The following COG1 variants were observed in gnomAD, a reference collection of about 807,000 sequenced individuals.
COG1 encodes the protein conserved oligomeric Golgi complex subunit 1.
A neutral mutation model predicts 102.2 loss-of-function variants in COG1; 61 were observed. The observed-to-expected ratio is 0.60, with a 90% CI of 0.49 to 0.74. The LOEUF (loss-of-function observed/expected upper bound fraction) is 0.74. Ranked by LOEUF, COG1 falls within the 30% of genes least tolerant of loss-of-function variation. The probability of loss-of-function intolerance (pLI) is 0.00; values close to 1 mark genes in which losing one functional copy is unlikely to be tolerated. For synonymous variants in COG1, 454 were observed against 493.6 expected (o/e 0.92, Z 1.06); for missense variants, 1,164 against 1,232.1 (o/e 0.94, Z 0.83).
rs1196317643 is a variant in COG1 at position 73,208,306 on chromosome 17, A to G, written c.2806-8A>G. The G allele has an allele frequency of 6.2e-7, 1 of 1,613,192 alleles. No individual in the cohort carries two copies. Among genetic ancestry groups the G allele is most frequent in the Non-Finnish European group, 8.5e-7 (1 of 1,179,998 alleles). On this transcript the variant is annotated splice_region_variant and splice_polypyrimidine_tract_variant and intron_variant, in intron 13 of 13. Transcript: ENST00000299886. ...CTCTAAGGCACTTTTCTCTACATCC[A>G]ATGGCAGGTTGTCCCCCCGGCACGC...
intron 5 of COG1, 73 bp downstream of exon 5, chr17:73,200,094 G>T: frequency 6.6e-7 from 1 of 1,518,600 alleles, no homozygotes; most frequent in Non-Finnish European, 9.0e-7. Context: ...GCATTACAAG[G>T]GTCAGCGAGG....
chr17:73,201,765 T>C lies in COG1; in HGVS notation c.1938T>C (p.Phe646=), dbSNP rs1404306811. The C allele has an allele frequency of 6.2e-7, 1 of 1,614,126 alleles. No homozygotes were observed. The highest frequency in any genetic ancestry group is 1.3e-5 in the African/African-American group (1 of 75,032). The change falls in exon 7 of 14, where the codon TTT becomes TTC. Residue 646 remains phenylalanine, a synonymous_variant. Transcript: ENST00000299886. ...SESSEKPARE[F]RALRKQGKVK... The stretch of plus-strand genomic sequence containing the variant: ...GCTCAGAGAAACCAGCAAGGGAGTT[T>C]AGGGCTCTGAGAAAACAGGGAAAGG...
At position 73,208,475 on chromosome 17, in the gene COG1, CTAAA is replaced by C. The variant is rs766221691; in HGVS notation, c.*31_*34del. On this transcript the variant is annotated 3_prime_UTR_variant, in exon 14 of 14. Transcript: ENST00000299886. The stretch of plus-strand genomic sequence containing the variant: ...AACATGGCAACACATCTGTCTCTCC[CTAAA>C]TAAATACTACCACATTATTTCTTCT... The C allele has an allele frequency of 1.2e-6, 2 of 1,612,084 alleles. No individual in the cohort carries two copies. The highest frequency in any genetic ancestry group is 1.7e-6 in the Non-Finnish European group (2 of 1,178,630).
rs774086830 is a variant in COG1, at chr17:73,203,109, G to C, written c.2183G>C (p.Gly728Ala). Residue 728 changes from glycine (G) to alanine (A), a missense_variant, in exon 8 of 14, where the codon GGC becomes GCC. Coordinates refer to ENST00000299886, the MANE Select transcript of COG1 (RefSeq NM_018714.3). ...ELEIQEEAES[G>A]SSVTSKIRLP... The stretch of plus-strand genomic sequence containing the variant: ...GAAATTCAGGAGGAGGCAGAGTCTG[G>C]CAGCAGTGTCACATCCAAGATCCGA... The C allele has an allele frequency of 8.7e-6, 14 of 1,614,202 alleles. No homozygotes were observed. The highest frequency in any genetic ancestry group is 1.2e-5 in the Non-Finnish European group (14 of 1,180,042).
chr17:73,195,605 T>C (rs1228563492), intron 1 of COG1, among the ~76,000 whole-genome samples: 2 of 141,846 alleles, frequency 1.4e-5, no homozygotes, highest in African/African-American at 2.7e-5. Flanking sequence ...CAAAGTGAGA[T>C]GCTGTCCCAA....
rs1361657944 is a variant in COG1, at chr17:73,193,365, G to A, written c.296G>A (p.Arg99Gln). ...RLRQAGSAAP[R>Q]PPRAQQPQQP... The stretch of plus-strand genomic sequence containing the variant: ...CGCCAGGCCGGCTCGGCCGCGCCCC[G>A]GCCACCGCGGGCCCAGCAGGTCAGT... The change falls in exon 1 of 14, where the codon CGG becomes CAG. Residue 99 changes from arginine (R) to glutamine (Q), a missense_variant. Transcript: ENST00000299886. 1 of 1,491,586 alleles carries A rather than the reference G, an allele frequency of 6.7e-7. No individual in the cohort carries two copies. The highest frequency in any genetic ancestry group is 8.9e-7 in the Non-Finnish European group (1 of 1,125,560). The allele number at this position is 1,491,586 out of a possible 1,614,324, so 92.4% of individuals were successfully genotyped here.
intron 9 of COG1, 23 bp downstream of exon 9, chr17:73,203,816 A>T (rs528833628): frequency 1.2e-6 from 2 of 1,613,946 alleles, no homozygotes; most frequent in Admixed American, 1.7e-5. Context: ...ATGTTTGCCC[A>T]TTAAAAACAC....
At position 73,200,724 on chromosome 17, in the gene COG1, C is replaced by T. The variant is rs1247050006; in HGVS notation, c.1229C>T (p.Pro410Leu). 10 of 1,614,122 alleles carry T rather than the reference C, an allele frequency of 6.2e-6. No individual in the cohort carries two copies. Among genetic ancestry groups the T allele is most frequent in the Non-Finnish European group, 7.6e-6 (9 of 1,180,012 alleles). ...CTATGTCGGCGGCTTCTGGAGAAGC[C>T]GCTCTTGTTCTGGGAAGATATGATG... is the stretch of plus-strand genomic sequence containing the variant. ...DVLCRRLLEK[P>L]LLFWEDMMQQ... The change falls in exon 6 of 14, where the codon CCG becomes CTG. Residue 410 changes from proline to leucine, a missense_variant. By Grantham distance (98) the Pro-to-Leu change is moderately conservative (BLOSUM62 -3). Transcript: ENST00000299886.
At chr17:73,197,603 T>C (rs1345132918) in intron 4 of COG1, among the ~76,000 whole-genome samples, 1 of 152,200 alleles carries the variant, frequency 6.6e-6, no homozygotes, top group Non-Finnish European at 1.5e-5. Context: ...AGTGTCTATA[T>C]TGGTCATTGC....
rs2061345221 is a variant in COG1, at chr17:73,201,141, C to T, written c.1314C>T (p.Ser438=). The T allele has an allele frequency of 2.5e-6, 4 of 1,614,092 alleles. No homozygotes were observed. The highest frequency in any genetic ancestry group is 3.4e-6 in the Non-Finnish European group (4 of 1,180,048). The change falls in exon 7 of 14, where the codon TCC becomes TCT. Residue 438 remains serine, a synonymous_variant. Coordinates refer to ENST00000299886, the MANE Select transcript of COG1 (RefSeq NM_018714.3). Reference sequence around the variant, plus strand: ...CAAAAGAAGGCTTTGACTCCATCTCCAGTAGCTCCAAGGAGCTCTTGGTTT... The same window carrying T: ...CAAAAGAAGGCTTTGACTCCATCTCTAGTAGCTCCAAGGAGCTCTTGGTTT... ...TLTKEGFDSI[S]SSSKELLVSA...
At chr17:73,194,956 G>A (rs1322752611) in intron 1 of COG1, among the ~76,000 whole-genome samples, 1 of 152,196 alleles carries the variant, frequency 6.6e-6, no homozygotes, top group Non-Finnish European at 1.5e-5. Flanking sequence ...CTGGTCAGTA[G>A]ACTGGACTGA....
intron 13 of COG1, 140 bp from the exon 14 acceptor site, chr17:73,208,174 A>G (rs1454566708): frequency 1.3e-6 from 2 of 1,546,212 alleles, no homozygotes; most frequent in Admixed American, 3.9e-5. Context: ...ACCGACAGCA[A>G]AGTCCTCTGA....
At position 73,203,671 on chromosome 17, in the gene COG1, C is replaced by A. The variant is rs1337654035; in HGVS notation, c.2260C>A (p.Gln754Lys). The A allele has an allele frequency of 6.2e-7, 1 of 1,614,112 alleles. No homozygotes were observed. Among genetic ancestry groups the A allele is most frequent in the East Asian group, 2.2e-5 (1 of 44,888 alleles). The change falls in exon 9 of 14, where the codon CAG becomes AAG. Residue 754 changes from glutamine to lysine, a missense_variant. Transcript: ENST00000299886. Reference protein sequence around the residue: ...YVQSFLFSLCQEINRVGGHAL... With the variant: ...YVQSFLFSLCKEINRVGGHAL... ...ACAGTCCTTCCTGTTTAGTTTATGC[C>A]AGGAAATTAATCGGGTTGGAGGCCA...
At position 73,201,555 on chromosome 17, in the gene COG1, A is replaced by G; in HGVS notation, c.1728A>G (p.Ala576=). Residue 576 remains alanine, a synonymous_variant, in exon 7 of 14, where the codon GCA becomes GCG. Transcript: ENST00000299886. ...AGATGCTGCGGACTCAGTCCGTGGC[A>G]TGCATCAAGCACATCGTGGACTGCA... The part of the protein sequence containing the change: ...VQEMLRTQSV[A]CIKHIVDCIR... 1 of 1,614,252 alleles carries G rather than the reference A, an allele frequency of 6.2e-7. No homozygotes were observed. Among genetic ancestry groups the G allele is most frequent in the Non-Finnish European group, 8.5e-7 (1 of 1,180,052 alleles).
Position 73,201,387 on chromosome 17 carries a change from C to G in COG1, c.1560C>G (p.Ala520=). The G allele has an allele frequency of 6.2e-7, 1 of 1,614,204 alleles. No homozygotes were observed. Among genetic ancestry groups the G allele is most frequent in the African/African-American group, 1.3e-5 (1 of 75,042 alleles). The change falls in exon 7 of 14, where the codon GCC becomes GCG. Residue 520 remains alanine, a synonymous_variant. Coordinates refer to ENST00000299886, the MANE Select transcript of COG1 (RefSeq NM_018714.3). The stretch of plus-strand genomic sequence containing the variant: ...CTTGTGTACAGAACTTCTGTTCTGC[C>G]CTGGATTCTAAGCTGAAGGTTAAAC... ...ISPCVQNFCS[A]LDSKLKVKLD...
Position 73,200,737 on chromosome 17 carries a change from G to A in COG1, c.1242G>A (p.Trp414Ter). ...RRLLEKPLLFWEDMMQQLFLD... is the reference protein window; with the variant it reads ...RRLLEKPLLF ...TTCTGGAGAAGCCGCTCTTGTTCTG[G>A]GAAGATATGATGCAGCAACTGTTCC... The change falls in exon 6 of 14, where the codon TGG becomes TGA. Residue 414 changes from tryptophan (W) to a stop codon, truncating the protein, a stop_gained. Coordinates refer to ENST00000299886, the MANE Select transcript of COG1 (RefSeq NM_018714.3). LOFTEE classifies it high-confidence loss of function. The A allele has an allele frequency of 6.2e-7, 1 of 1,614,124 alleles. No homozygotes were observed. Among genetic ancestry groups the A allele is most frequent in the South Asian group, 1.1e-5 (1 of 91,078 alleles).
chr17:73,205,674 A>C lies in COG1; in HGVS notation c.2504A>C (p.Asp835Ala). Residue 835 changes from aspartate (D) to alanine (A), a missense_variant, in exon 10 of 14, where the codon GAC becomes GCC. Coordinates refer to ENST00000299886, the MANE Select transcript of COG1 (RefSeq NM_018714.3). ...DEVKSGRSKP[D>A]SRIEKVTDHL... ...GTGAAGAGTGGCCGGAGCAAGCCAG[A>C]CTCCAGGTGTCGTATCCTCTAGGGA... 6.2e-7 allele frequency: 1 copy of C among 1,613,438 alleles called. No homozygotes were observed. The highest frequency in any genetic ancestry group is 8.5e-7 in the Non-Finnish European group (1 of 1,179,952).
Position 73,196,356 on chromosome 17 carries a change from A to G in COG1, c.316-151A>G, listed in dbSNP as rs141829421. The G allele has an allele frequency of 1.5e-4, 175 of 1,142,008 alleles. 3 individuals are homozygous for G. In the East Asian group the frequency reaches 4.1e-3, roughly 27 times the overall value. 70.7% of individuals were successfully genotyped at this position (1,142,008 alleles called of 1,614,324 possible). A position where few individuals can be genotyped will look rare whatever the true frequency, so the allele number is the denominator to read the frequency against. ...CTCCTGACTCTGGCAACTCTTCTAC[A>G]CTGGGCTTTGATGACTTGCTGAGTT... On this transcript the variant is annotated intron_variant, in intron 1 of 13. Transcript: ENST00000299886.
chr17:73,207,548 G>A (rs1017040371), intron 13 of COG1: 4 of 633,974 alleles, frequency 6.3e-6, no homozygotes, highest in African/African-American at 5.5e-5. Flanking sequence ...AGAGTTAACT[G>A]CCAACCCGGC....
Sources: gnomAD v4.1 joint callset for allele counts (sites outside exome capture counted in the v4.1 genomes callset) on GRCh38, gnomAD v4.1.1 for gene constraint, MANE v1.5 for transcripts, NCBI Gene and HGNC (gene_info 2026-07-23, HGNC 2026-07-21) for gene names.